TRABD2B: variants seen among roughly 807,000 people sequenced by gnomAD.
TRABD2B encodes the protein metalloprotease TIKI2.
In TRABD2B, 14 loss-of-function variants were observed where a neutral mutation model predicts 40.1. The ratio of observed to expected loss-of-function variants is 0.35; its 90% CI spans 0.23 to 0.55. The LOEUF is 0.55. Ranked by LOEUF, TRABD2B falls within the 20% of genes least tolerant of loss-of-function variation. The pLI is 0.90. For missense variants in TRABD2B, 541 were observed against 648.6 expected, an observed-to-expected ratio of 0.83 and a Z score of 1.80; for synonymous variants, 263 against 277.0, an observed-to-expected ratio of 0.95 and a Z score of 0.50.
intron 2 of TRABD2B, among the ~76,000 whole-genome samples, chr1:47,843,836 C>A (rs1645431497): frequency 6.6e-6 from 1 of 152,014 alleles, no homozygotes; most frequent in South Asian, 2.1e-4. Flanking sequence ...GGGTGTGGAG[C>A]CTGAAAAGAA....
intron 2 of TRABD2B, among the ~76,000 whole-genome samples, chr1:47,842,003 A>C (rs1226698368): frequency 1.3e-5 from 2 of 151,656 alleles, no homozygotes; most frequent in Non-Finnish European, 2.9e-5. Context: ...TGAGCTCCCA[A>C]CCTCGTGATC....
chr1:47,859,566 T>C (rs1316720355), intron 2 of TRABD2B, among the ~76,000 whole-genome samples: 3 of 152,240 alleles, frequency 2.0e-5, no homozygotes, highest in African/African-American at 7.2e-5. Flanking sequence ...AGCCCCTTTC[T>C]GGCCTGACCC....
intron 2 of TRABD2B, among the ~76,000 whole-genome samples, chr1:47,982,288 T>C (rs1357354154): frequency 1.3e-5 from 2 of 152,112 alleles, no homozygotes; most frequent in East Asian, 3.8e-4. Flanking sequence ...ATAATAATAA[T>C]GAAAATGACC....
intron 2 of TRABD2B, among the ~76,000 whole-genome samples, chr1:47,965,209 G>A (rs1645582201): frequency 9.3e-6 from 1 of 107,124 alleles, no homozygotes; most frequent in African/African-American, 3.7e-5. Context: ...GGCGGGGGGG[G>A]GTGGAGGGGG....
At chr1:47,894,114 C>A (rs915556277) in intron 2 of TRABD2B, among the ~76,000 whole-genome samples, 1 of 152,136 alleles carries the variant, frequency 6.6e-6, no homozygotes, top group African/African-American at 2.4e-5. Context: ...AGGCACTGTT[C>A]TGTATGCTGG....
intron 2 of TRABD2B, among the ~76,000 whole-genome samples, chr1:47,986,435 T>C (rs529190914): frequency 2.0e-5 from 3 of 152,244 alleles, no homozygotes; most frequent in Non-Finnish European, 4.4e-5. Flanking sequence ...TTGTAATCAA[T>C]TGTGAGCACA....
chr1:47,779,639 T>C (rs778245302), intron 4 of TRABD2B, among the ~76,000 whole-genome samples: 40 of 151,990 alleles, frequency 2.6e-4, no homozygotes, highest in Non-Finnish European at 4.6e-4. Context: ...CTCTGGGATG[T>C]CCCTCTGCCT....
intron 2 of TRABD2B, among the ~76,000 whole-genome samples, chr1:47,846,043 G>A (rs1244945217): frequency 1.3e-5 from 2 of 152,180 alleles, no homozygotes; most frequent in Non-Finnish European, 2.9e-5. Flanking sequence ...GTCTGCGTGA[G>A]TAGCCAGGCT....
At chr1:47,775,487 T>C in intron 5 of TRABD2B, 48 bp from the exon 6 acceptor site, 1 of 1,232,384 alleles carries the variant, frequency 8.1e-7, no homozygotes, top group Non-Finnish European at 1.0e-6. Flanking sequence ...GAGAATGTCA[T>C]CCATGTGTGG....
chr1:47,956,491 C>T (rs115567176), intron 2 of TRABD2B, among the ~76,000 whole-genome samples: 3,579 of 152,302 alleles, frequency 0.023, 110 homozygotes, highest in Admixed American at 0.09. Flanking sequence ...CCTGCAAAAT[C>T]GGGTCACTCC....
intron 2 of TRABD2B, among the ~76,000 whole-genome samples, chr1:47,897,503 G>A (rs1438677500): frequency 6.6e-6 from 1 of 152,132 alleles, no homozygotes; most frequent in Non-Finnish European, 1.5e-5. Context: ...GACCCTGGAG[G>A]GCAGCTGCAA....
intron 6 of TRABD2B, among the ~76,000 whole-genome samples, chr1:47,774,208 G>A (rs1270447321): frequency 6.6e-6 from 1 of 152,126 alleles, no homozygotes; most frequent in African/African-American, 2.4e-5. Flanking sequence ...TAGCCAAGGT[G>A]ATTCTCTCTA....
intron 2 of TRABD2B, among the ~76,000 whole-genome samples, chr1:47,878,852 T>A (rs1644260802): frequency 6.6e-6 from 1 of 152,120 alleles, no homozygotes; most frequent in Non-Finnish European, 1.5e-5. Context: ...ATGCCACCAC[T>A]ATGGGAGGCT....
In TRABD2B at chr1:47,801,686, C is replaced by G. The variant is rs954943703; in HGVS notation, c.667-67G>C. 3 of 1,486,968 alleles carry G rather than the reference C, an allele frequency of 2.0e-6. No individual in the cohort carries two copies. In the African/African-American group the frequency reaches 4.2e-5, roughly 21 times the overall value. The allele number at this position is 1,486,968 out of a possible 1,614,324, so 92.1% of individuals were successfully genotyped here. A position where few individuals can be genotyped will look rare whatever the true frequency, so the allele number is the denominator to read the frequency against. On this transcript the variant is annotated intron_variant, in intron 2 of 6. Transcript: ENST00000606738. ...GACCCTGGCTGAGCTCTAGGACTGA[C>G]CCTCCTCCCTCTGGACTTCAGAGCA...
intron 2 of TRABD2B, among the ~76,000 whole-genome samples, chr1:47,922,161 C>T (rs952124837): frequency 6.6e-6 from 1 of 152,232 alleles, no homozygotes; most frequent in Non-Finnish European, 1.5e-5. Context: ...ATCTGGTTCC[C>T]TAGATAAGCA....
chr1:47,938,900 C>T (rs1203718186), intron 2 of TRABD2B, among the ~76,000 whole-genome samples: 7 of 149,658 alleles, frequency 4.7e-5, no homozygotes, highest in African/African-American at 9.9e-5. Context: ...GGTTCTGAAT[C>T]TCATACACAG....
Position 47,969,400 on chromosome 1 carries a change from A to C in TRABD2B, c.666+24634T>G, listed in dbSNP as rs1260585965. 2.6e-5 allele frequency among the ~76,000 whole-genome samples: 4 copies of C among 152,194 alleles called. No homozygotes were observed. The East Asian group carries it at 7.7e-4, about 29-fold the overall frequency. Reference sequence around the variant, plus strand: ...CCTCCAAGATCTTCATGCCGTGCAGAGGGAGATGAGACCACCACTCACAAG... The same window carrying C: ...CCTCCAAGATCTTCATGCCGTGCAGCGGGAGATGAGACCACCACTCACAAG... On this transcript the variant is annotated intron_variant, in intron 2 of 6. Transcript: ENST00000606738.
chr1:47,829,633 T>C (rs1324853771), intron 2 of TRABD2B, among the ~76,000 whole-genome samples: 1 of 152,140 alleles, frequency 6.6e-6, no homozygotes, highest in Non-Finnish European at 1.5e-5. Context: ...CTCAGGCCAC[T>C]TTCCTGGTCC....
At chr1:47,771,879 G>T (rs1307777652) in intron 6 of TRABD2B, among the ~76,000 whole-genome samples, 5 of 152,192 alleles carry the variant, frequency 3.3e-5, no homozygotes, top group Non-Finnish European at 5.9e-5. Flanking sequence ...AGGCCAGCCT[G>T]TTCCAGGTGG....
Sources: gnomAD v4.1 joint callset for allele counts (sites outside exome capture counted in the v4.1 genomes callset) on GRCh38, gnomAD v4.1.1 for gene constraint, MANE v1.5 for transcripts, NCBI Gene and HGNC (gene_info 2026-07-23, HGNC 2026-07-21) for gene names.